Variants in IL17RD observed in about 807,000 individuals in gnomAD.
The protein encoded by IL17RD is interleukin-17 receptor D.
A neutral mutation model predicts 80.5 loss-of-function variants in IL17RD; 52 were observed. The observed-to-expected ratio is 0.65, with a 90% CI of 0.52 to 0.81. IL17RD has a LOEUF of 0.81. IL17RD is among the 40% of genes least tolerant of loss of function. The probability of loss-of-function intolerance (pLI) is 0.00; values close to 1 mark genes in which losing one functional copy is unlikely to be tolerated. For synonymous variants in IL17RD, 416 were observed against 391.8 expected (o/e 1.06, Z -0.73); for missense variants, 1,024 against 955.1 (o/e 1.07, Z -0.95).
At chr3:57,166,675 T>C (rs959763896), upstream of IL17RD, among the ~76,000 whole-genome samples, 1 of 152,214 alleles carries the variant, frequency 6.6e-6, no homozygotes, top group African/African-American at 2.4e-5. Context: ...ATAAAATCCA[T>C]ACTGGCTTTC....
intron 1 of IL17RD, among the ~76,000 whole-genome samples, chr3:57,154,951 C>T (rs990200640): frequency 6.6e-6 from 1 of 152,156 alleles, no homozygotes; most frequent in South Asian, 2.1e-4. Context: ...GATTGCTTGG[C>T]TGGATCTGAA....
At chr3:57,105,790 A>G (rs1706947898) in intron 7 of IL17RD, 67 bp downstream of exon 7, 1 of 1,436,788 alleles carries the variant, frequency 7.0e-7, no homozygotes, top group Admixed American at 2.0e-5. Context: ...TGAGCAACCC[A>G]AATTCCAGTG....
chr3:57,133,262 A>T (rs1232870184), intron 1 of IL17RD, among the ~76,000 whole-genome samples: 1 of 152,258 alleles, frequency 6.6e-6, no homozygotes, highest in Non-Finnish European at 1.5e-5. Flanking sequence ...GATATATTCA[A>T]ACACTAATGA....
chr3:57,144,080 A>G (rs1707881208), intron 1 of IL17RD, among the ~76,000 whole-genome samples: 1 of 152,214 alleles, frequency 6.6e-6, no homozygotes, highest in Admixed American at 6.5e-5. Flanking sequence ...GGGCAGAATG[A>G]GGGCAAAGAG....
At chr3:57,168,196 A>G (rs1284075568), upstream of IL17RD, among the ~76,000 whole-genome samples, 1 of 152,178 alleles carries the variant, frequency 6.6e-6, no homozygotes, top group Non-Finnish European at 1.5e-5. Context: ...TACAAGAGAA[A>G]GAGAACCTCA....
upstream of IL17RD, among the ~76,000 whole-genome samples, chr3:57,168,739 G>A (rs1016934764): frequency 3.3e-5 from 5 of 152,068 alleles, no homozygotes; most frequent in Non-Finnish European, 7.4e-5. Context: ...TGTTTGAGAC[G>A]GAGTTTTGCC....
At chr3:57,134,363 G>A in intron 1 of IL17RD, 1 of 694,790 alleles carries the variant, frequency 1.4e-6, no homozygotes, top group Non-Finnish European at 2.7e-6. Flanking sequence ...GCAGGCACAT[G>A]GGCATAAGTA....
chr3:57,110,086 G>A (rs887719925), intron 4 of IL17RD, 107 bp downstream of exon 4: 3 of 1,310,050 alleles, frequency 2.3e-6, no homozygotes, highest in African/African-American at 1.5e-5. Flanking sequence ...TGGCGGGTGG[G>A]GTGGACCCCA....
intron 1 of IL17RD, among the ~76,000 whole-genome samples, chr3:57,145,897 C>T (rs1259478278): frequency 6.6e-6 from 1 of 152,178 alleles, no homozygotes; most frequent in Non-Finnish European, 1.5e-5. Flanking sequence ...GACAGCCTAA[C>T]CAGGGTGGCT....
rs1391908811 is a variant in IL17RD, at chr3:57,097,713, T to C, written c.1990A>G (p.Ile664Val). The change falls in exon 12 of 13, where the codon ATC (isoleucine) becomes GTC (valine). Residue 664 changes from isoleucine to valine, a missense_variant. By Grantham distance (29) the Ile-to-Val change is conservative. Transcript: ENST00000296318. ...SPSDMPRDSG[I>V]YDSSVPSSEL... is the part of the protein sequence containing the mutation. ...GATGAGGGCACAGACGAGTCATAGATGCCTGAGTCCCGCGGCATGTCCGAG... is the reference window on the plus strand; with the variant it reads ...GATGAGGGCACAGACGAGTCATAGACGCCTGAGTCCCGCGGCATGTCCGAG... 3.7e-6 allele frequency: 6 copies of C among 1,604,816 alleles called. No homozygotes were observed. Among genetic ancestry groups the C allele is most frequent in the African/African-American group, 1.3e-5 (1 of 74,784 alleles).
At chr3:57,122,884 G>A (rs1334875705) in intron 1 of IL17RD, among the ~76,000 whole-genome samples, 2 of 151,812 alleles carry the variant, frequency 1.3e-5, no homozygotes, top group Non-Finnish European at 2.9e-5. Context: ...CTAGTGCATA[G>A]GGACCCTGGC....
rs1424847869 is a variant in IL17RD at position 57,146,256 on chromosome 3, CTTAT to C, written c.126+18901_126+18904del. 2.6e-5 allele frequency among the ~76,000 whole-genome samples: 4 copies of C among 152,090 alleles called. 1 individual carries two copies. Among genetic ancestry groups the C allele is most frequent in the Admixed American group, 2.0e-4 (3 of 15,276 alleles). ...TTATTTTAAATTCTTACTTTAAATT[CTTAT>C]TTATTCACTTAAAACATCTTCCCTA... On this transcript the variant is annotated intron_variant, in intron 1 of 12. Transcript: ENST00000296318.
chr3:57,097,972 T>C lies in IL17RD; in HGVS notation c.1731A>G (p.Pro577=). 1 of 1,614,030 alleles carries C rather than the reference T, an allele frequency of 6.2e-7. No homozygotes were observed. Among genetic ancestry groups the C allele is most frequent in the South Asian group, 1.1e-5 (1 of 91,084 alleles). Residue 577 remains proline (P), a synonymous_variant, in exon 12 of 13, where the codon CCA becomes CCG. Transcript: ENST00000296318. The part of the protein sequence containing the change: ...FHPPPLRYRE[P]VLEKFDSGLV... ...AGCCCGAATCAAATTTCTCCAAGAC[T>C]GGCTCCCGGTAGCGCAGTGGAGGAG...
At chr3:57,123,723 C>T (rs1218729623) in intron 1 of IL17RD, among the ~76,000 whole-genome samples, 1 of 152,186 alleles carries the variant, frequency 6.6e-6, no homozygotes, top group African/African-American at 2.4e-5. Flanking sequence ...GAGAAAACAT[C>T]CCAGGTATTA....
chr3:57,141,426 A>C (rs1906504), intron 1 of IL17RD, among the ~76,000 whole-genome samples: 1 of 152,040 alleles, frequency 6.6e-6, no homozygotes, highest in African/African-American at 2.4e-5. Flanking sequence ...TATTTTTTGT[A>C]TTGTTAGCAG....
At position 57,096,176 on chromosome 3, in the gene IL17RD, C is replaced by G. The variant is rs1022951510; in HGVS notation, c.*217G>C. On this transcript the variant is annotated 3_prime_UTR_variant, in exon 13 of 13. Coordinates refer to ENST00000296318, the MANE Select transcript of IL17RD (RefSeq NM_017563.5). Reference sequence around the variant, plus strand: ...GCTGTTGTCAGACCTTATGGACATGCCTTTCAGAGCTCCATATCATTTTAG... The same window carrying G: ...GCTGTTGTCAGACCTTATGGACATGGCTTTCAGAGCTCCATATCATTTTAG... The G allele has an allele frequency of 7.4e-6, 4 of 543,316 alleles. No homozygotes were observed. Among genetic ancestry groups the G allele is most frequent in the African/African-American group, 5.7e-5 (3 of 52,660 alleles). 33.7% of individuals were successfully genotyped at this position (543,316 alleles called of 1,614,324 possible). A position where few individuals can be genotyped will look rare whatever the true frequency, so the allele number is the denominator to read the frequency against.
At chr3:57,117,002 C>A (rs2107493992) in intron 2 of IL17RD, among the ~76,000 whole-genome samples, 1 of 151,454 alleles carries the variant, frequency 6.6e-6, no homozygotes, top group Admixed American at 6.6e-5. Context: ...GATGCATGAA[C>A]AAGAGCAAAT....
chr3:57,131,464 G>A (rs73075270), intron 1 of IL17RD, among the ~76,000 whole-genome samples: 22 of 152,312 alleles, frequency 1.4e-4, no homozygotes, highest in Non-Finnish European at 2.9e-4. Context: ...AACCACAGGT[G>A]CACTCTGTTC....
chr3:57,147,331 A>AAT (rs1481623487), intron 1 of IL17RD, among the ~76,000 whole-genome samples: 2 of 152,338 alleles, frequency 1.3e-5, no homozygotes, highest in East Asian at 3.9e-4. Flanking sequence ...CAGATGAAGA[A>AAT]ATAGCCTCAG....
Sources: gnomAD v4.1 joint callset for allele counts (sites outside exome capture counted in the v4.1 genomes callset) on GRCh38, gnomAD v4.1.1 for gene constraint, MANE v1.5 for transcripts, NCBI Gene and HGNC (gene_info 2026-07-23, HGNC 2026-07-21) for gene names.